Variants in CNTN5 observed in about 807,000 individuals in gnomAD.
CNTN5 encodes the protein contactin-5.
Under a neutral mutation model 129.1 loss-of-function variants are expected in CNTN5, and 77 were observed. That is an observed-to-expected ratio of 0.60 (90% CI 0.50 to 0.72). The LOEUF (loss-of-function observed/expected upper bound fraction) is 0.72. Among genes scored for constraint, CNTN5 ranks in the 30% least tolerant of loss-of-function variants. The pLI, the probability that CNTN5 is intolerant of heterozygous loss-of-function variation, is 0.00. For synonymous variants in CNTN5, 509 were observed against 465.6 expected, an observed-to-expected ratio of 1.09 and a Z score of -1.20; for missense variants, 1,478 against 1,328.8, an observed-to-expected ratio of 1.11 and a Z score of -1.75.
chr11:99,223,386 T>A (rs991844206), intron 1 of CNTN5, among the ~76,000 whole-genome samples: 3 of 152,162 alleles, frequency 2.0e-5, no homozygotes, highest in African/African-American at 4.8e-5. Flanking sequence ...TATCTTTGGA[T>A]TCATTTTGAA....
At chr11:99,124,304 T>C (rs1178507346) in intron 1 of CNTN5, among the ~76,000 whole-genome samples, 2 of 152,122 alleles carry the variant, frequency 1.3e-5, no homozygotes, top group East Asian at 3.9e-4. Flanking sequence ...TGAATGGGAT[T>C]ATTTTCCAGA....
At chr11:99,057,421 CCTTT>C (rs1244668398) in intron 1 of CNTN5, among the ~76,000 whole-genome samples, 1 of 151,728 alleles carries the variant, frequency 6.6e-6, no homozygotes, top group Non-Finnish European at 1.5e-5. Flanking sequence ...TCTTTCTGGT[CCTTT>C]CTAAGTGTGT....
At chr11:99,240,048 A>G (rs1231111330) in intron 1 of CNTN5, among the ~76,000 whole-genome samples, 3 of 152,198 alleles carry the variant, frequency 2.0e-5, no homozygotes, top group East Asian at 1.9e-4. Context: ...GCACATCAAT[A>G]TAAGTGTGGT....
intron 8 of CNTN5, among the ~76,000 whole-genome samples, chr11:99,988,667 G>T (rs1251071472): frequency 1.3e-5 from 2 of 152,166 alleles, no homozygotes; most frequent in African/African-American, 4.8e-5. Context: ...ACTAAGACAG[G>T]AAGGGACCGA....
chr11:100,203,590 A>G (rs77801944), intron 15 of CNTN5, among the ~76,000 whole-genome samples: 2,901 of 151,998 alleles, frequency 0.019, 99 homozygotes, highest in African/African-American at 0.066. Flanking sequence ...CCATATATCC[A>G]TCAAATTTTC....
At chr11:99,608,840 A>G (rs1194003669) in intron 3 of CNTN5, among the ~76,000 whole-genome samples, 3 of 152,208 alleles carry the variant, frequency 2.0e-5, no homozygotes, top group Non-Finnish European at 4.4e-5. Context: ...GTGTGTCTAT[A>G]TGAGTTCTAA....
At chr11:99,814,357 G>A (rs1946517734) in intron 3 of CNTN5, among the ~76,000 whole-genome samples, 1 of 152,138 alleles carries the variant, frequency 6.6e-6, no homozygotes, top group Non-Finnish European at 1.5e-5. Flanking sequence ...AGGTCAGAAA[G>A]GTATGGGTTT....
intron 7 of CNTN5, among the ~76,000 whole-genome samples, chr11:99,954,429 T>C (rs1033309636): frequency 2.0e-5 from 3 of 152,228 alleles, no homozygotes; most frequent in Non-Finnish European, 4.4e-5. Context: ...AAATGAATGC[T>C]ACTACTACTA....
chr11:99,684,901 T>G (rs598659), intron 3 of CNTN5, among the ~76,000 whole-genome samples: 85,310 of 151,176 alleles, frequency 0.56, 25,611 homozygotes, highest in Non-Finnish European at 0.68. Context: ...AAAAACAAAT[T>G]TTTGCTTTAT....
intron 13 of CNTN5, among the ~76,000 whole-genome samples, chr11:100,099,094 TG>T (rs1945124135): frequency 6.6e-6 from 1 of 152,110 alleles, no homozygotes; most frequent in Non-Finnish European, 1.5e-5. Context: ...CAGCCAATTT[TG>T]TAAACAATTT....
chr11:100,308,289 G>C (rs997655947), intron 20 of CNTN5, 70 bp from the exon 21 acceptor site: 11 of 1,395,252 alleles, frequency 7.9e-6, no homozygotes, highest in Admixed American at 2.3e-5. Context: ...TTTAACACCT[G>C]ACAGACTCAG....
rs57810491 is a variant in CNTN5 at position 99,166,397 on chromosome 11, CAAAAAAAA to C, written c.-210+145140_-210+145147del. 4.8e-5 allele frequency among the ~76,000 whole-genome samples: 4 copies of C among 82,920 alleles called. No individual in the cohort carries two copies. In the Admixed American group the frequency reaches 5.4e-4, roughly 11 times the overall value. 54.4% of individuals were successfully genotyped at this position (82,920 alleles called of 152,430 possible). ...CCTGGGCCACAGAGCAAGACTCTGT[CAAAAAAAA>C]AAAAAAAAAAAAGAGTAGTTATGTT... On this transcript the variant is annotated intron_variant, in intron 1 of 24. Transcript: ENST00000524871.
intron 9 of CNTN5, among the ~76,000 whole-genome samples, chr11:100,010,753 C>T (rs764109030): frequency 7.9e-5 from 12 of 152,116 alleles, no homozygotes; most frequent in Non-Finnish European, 1.5e-4. Context: ...AACTGCACCC[C>T]TTACTATACC....
At chr11:100,088,573 G>T (rs966219016) in intron 13 of CNTN5, among the ~76,000 whole-genome samples, 3 of 151,974 alleles carry the variant, frequency 2.0e-5, no homozygotes, top group Non-Finnish European at 2.9e-5. Flanking sequence ...CAATCCCACA[G>T]AAATACATAA....
intron 6 of CNTN5, among the ~76,000 whole-genome samples, chr11:99,851,948 A>G (rs939655414): frequency 6.6e-6 from 1 of 152,218 alleles, no homozygotes; most frequent in East Asian, 1.9e-4. Flanking sequence ...ACCTAATAAA[A>G]TGATTTGAAT....
chr11:99,681,417 G>A (rs625196), intron 3 of CNTN5, among the ~76,000 whole-genome samples: 148,476 of 152,164 alleles, frequency 0.98, 72,582 homozygotes, highest in East Asian at 1. Flanking sequence ...CAGCCACTGC[G>A]TTGTTCAGCA....
At chr11:100,240,892 G>C (rs1949726659) in intron 16 of CNTN5, among the ~76,000 whole-genome samples, 1 of 152,114 alleles carries the variant, frequency 6.6e-6, no homozygotes, top group African/African-American at 2.4e-5. Flanking sequence ...AAGTTACAAG[G>C]ATATCTATTA....
intron 2 of CNTN5, among the ~76,000 whole-genome samples, chr11:99,498,386 A>G (rs1421718588): frequency 6.6e-6 from 1 of 152,104 alleles, no homozygotes; most frequent in East Asian, 1.9e-4. Flanking sequence ...CACAGCTTTT[A>G]TTAGCTTGAT....
intron 6 of CNTN5, among the ~76,000 whole-genome samples, chr11:99,909,363 GGAC>G (rs1399634007): frequency 5.3e-5 from 8 of 152,178 alleles, no homozygotes; most frequent in Non-Finnish European, 1.0e-4. Context: ...ACTGTTGGTG[GGAC>G]TGTAAACCAC....
Sources: gnomAD v4.1 joint callset for allele counts (sites outside exome capture counted in the v4.1 genomes callset) on GRCh38, gnomAD v4.1.1 for gene constraint, MANE v1.5 for transcripts, NCBI Gene and HGNC (gene_info 2026-07-23, HGNC 2026-07-21) for gene names.